Variants in UST observed in about 807,000 individuals in gnomAD.
UST encodes uronyl 2-sulfotransferase, also known as chondroitin sulfate 2-O-sulfotransferase.
Under a neutral mutation model 45.6 loss-of-function variants are expected in UST, and 21 were observed. That is an observed-to-expected ratio of 0.46 (90% CI 0.33 to 0.66). The LOEUF (loss-of-function observed/expected upper bound fraction) is 0.66. Ranked by LOEUF, UST falls within the 30% of genes least tolerant of loss-of-function variation. The pLI is 0.02. For synonymous variants in UST, 215 were observed against 200.6 expected (o/e 1.07, Z -0.61); for missense variants, 463 against 512.4 (o/e 0.90, Z 0.93).
chr6:148,909,754 A>G (rs1180129027), intron 2 of UST, among the ~76,000 whole-genome samples: 1 of 152,210 alleles, frequency 6.6e-6, no homozygotes, highest in Non-Finnish European at 1.5e-5. Context: ...CTTTGCTCGA[A>G]GTATCTATAT....
At chr6:148,887,385 C>T (rs530674301) in intron 2 of UST, among the ~76,000 whole-genome samples, 1 of 152,374 alleles carries the variant, frequency 6.6e-6, no homozygotes, top group South Asian at 2.1e-4. Context: ...TGCCTTCGGG[C>T]TTTGGGGCTA....
At position 148,747,319 on chromosome 6, in the gene UST, C is replaced by A. The variant is rs1462780608; in HGVS notation, c.-112C>A. 3 of 1,273,414 alleles carry A rather than the reference C, an allele frequency of 2.4e-6. No individual in the cohort carries two copies. Among genetic ancestry groups the A allele is most frequent in the Non-Finnish European group, 3.0e-6 (3 of 993,350 alleles). The allele number at this position is 1,273,414 out of a possible 1,614,324, so 78.9% of individuals were successfully genotyped here. On this transcript the variant is annotated 5_prime_UTR_variant, in exon 1 of 8. Coordinates refer to ENST00000367463, the MANE Select transcript of UST (RefSeq NM_005715.3). ...GCCCCTCCCCGCCCCCACCCGGCTG[C>A]CCTCCGCGCGGCCCTCCCCATGTGC...
chr6:148,807,157 A>C (rs1474851304), intron 1 of UST, among the ~76,000 whole-genome samples: 3 of 152,238 alleles, frequency 2.0e-5, no homozygotes, highest in Non-Finnish European at 4.4e-5. Context: ...CAAAGCCTAG[A>C]AAATACCTCT....
intron 7 of UST, among the ~76,000 whole-genome samples, chr6:149,044,593 G>A (rs866038366): frequency 6.6e-6 from 1 of 152,188 alleles, no homozygotes; most frequent in Non-Finnish European, 1.5e-5. Context: ...TCCGTAGGCT[G>A]AACTTAATAT....
intron 1 of UST, among the ~76,000 whole-genome samples, chr6:148,817,942 A>T (rs1777386769): frequency 6.6e-6 from 1 of 152,202 alleles, no homozygotes; most frequent in Non-Finnish European, 1.5e-5. Context: ...CTGCTGTCAC[A>T]CTACAATGAC....
At chr6:148,752,813 C>T (rs1368060941) in intron 1 of UST, among the ~76,000 whole-genome samples, 1 of 152,050 alleles carries the variant, frequency 6.6e-6, no homozygotes, top group Non-Finnish European at 1.5e-5. Flanking sequence ...TGGTGGGTGT[C>T]CATGATGGAC....
intron 1 of UST, among the ~76,000 whole-genome samples, chr6:148,830,645 G>C (rs970042151): frequency 6.6e-6 from 1 of 152,176 alleles, no homozygotes; most frequent in African/African-American, 2.4e-5. Context: ...GGACTGTCAA[G>C]TAAAAACATT....
Position 149,021,312 on chromosome 6 carries a change from A to G in UST, c.780-12A>G. On this transcript the variant is annotated splice_polypyrimidine_tract_variant and intron_variant, in intron 6 of 7. Coordinates refer to ENST00000367463, the MANE Select transcript of UST (RefSeq NM_005715.3). ...AATGTCTGATTTTAAATAAATTTTTATATCCATAAAGGGAGCCTGGTGAAT... is the reference window on the plus strand; with the variant it reads ...AATGTCTGATTTTAAATAAATTTTTGTATCCATAAAGGGAGCCTGGTGAAT... The G allele has an allele frequency of 1.9e-6, 3 of 1,585,330 alleles. No homozygotes were observed. The highest frequency in any genetic ancestry group is 1.8e-5 in the Admixed American group (1 of 55,314).
chr6:148,858,674 C>T (rs1248323720), intron 1 of UST, among the ~76,000 whole-genome samples: 23 of 151,928 alleles, frequency 1.5e-4, no homozygotes, highest in African/African-American at 7.3e-5. Context: ...CAGGCCCGGG[C>T]GTGTGATGTT....
intron 2 of UST, among the ~76,000 whole-genome samples, chr6:148,892,162 A>C (rs1011320859): frequency 6.6e-6 from 1 of 152,242 alleles, no homozygotes; most frequent in Non-Finnish European, 1.5e-5. Context: ...TCATGTCATC[A>C]TCTGAAGAGT....
At chr6:149,063,562 A>G (rs902343322) in intron 7 of UST, among the ~76,000 whole-genome samples, 6 of 152,200 alleles carry the variant, frequency 3.9e-5, no homozygotes, top group Admixed American at 3.9e-4. Context: ...GCCAGATGGG[A>G]GGGTAGACTG....
chr6:148,954,846 T>C (rs1026521745), intron 4 of UST, among the ~76,000 whole-genome samples: 7 of 152,242 alleles, frequency 4.6e-5, no homozygotes, highest in Non-Finnish European at 7.3e-5. Context: ...TTCAGGTTTT[T>C]AGATTCCCTA....
rs745441716 is a variant in UST at position 149,018,613 on chromosome 6, G to A, written c.682-526G>A. 5.9e-5 allele frequency among the ~76,000 whole-genome samples: 9 copies of A among 152,264 alleles called. No homozygotes were observed. The South Asian group carries it at 1.9e-3, about 32-fold the overall frequency. On this transcript the variant is annotated intron_variant, in intron 5 of 7. Transcript: ENST00000367463. ...TGCCTTTGAAAGTGAGAGGGTGTCT[G>A]TATATAAACATCCTGCTACTTTTTA...
chr6:149,029,381 A>C (rs1776101371), intron 7 of UST, among the ~76,000 whole-genome samples: 1 of 146,654 alleles, frequency 6.8e-6, no homozygotes, highest in African/African-American at 2.5e-5. Flanking sequence ...TATAATGTAT[A>C]TATTGTATGT....
intron 7 of UST, among the ~76,000 whole-genome samples, chr6:149,057,065 T>A (rs1306659129): frequency 6.6e-6 from 1 of 152,124 alleles, no homozygotes; most frequent in Non-Finnish European, 1.5e-5. Context: ...GTGACTAATA[T>A]AATCTTAAAA....
At chr6:148,792,601 A>G (rs939787934) in intron 1 of UST, among the ~76,000 whole-genome samples, 1 of 152,210 alleles carries the variant, frequency 6.6e-6, no homozygotes, top group African/African-American at 2.4e-5. Context: ...GCTGGAGCTC[A>G]CGTTTCAGGC....
At chr6:148,926,990 A>G (rs1420517258) in intron 2 of UST, among the ~76,000 whole-genome samples, 1 of 152,208 alleles carries the variant, frequency 6.6e-6, no homozygotes, top group Admixed American at 6.5e-5. Context: ...ATGGGGATGA[A>G]AGAAAGCAAT....
chr6:148,843,076 G>T (rs1777918676), intron 1 of UST, among the ~76,000 whole-genome samples: 1 of 152,206 alleles, frequency 6.6e-6, no homozygotes, highest in African/African-American at 2.4e-5. Flanking sequence ...TTTCAGGAAA[G>T]CAACGTCTAT....
intron 1 of UST, among the ~76,000 whole-genome samples, chr6:148,834,460 C>T (rs775846912): frequency 1.3e-5 from 2 of 152,156 alleles, no homozygotes; most frequent in Non-Finnish European, 2.9e-5. Context: ...TGAGGCTGGG[C>T]ACAGTTGCTC....
Sources: gnomAD v4.1 joint callset for allele counts (sites outside exome capture counted in the v4.1 genomes callset) on GRCh38, gnomAD v4.1.1 for gene constraint, MANE v1.5 for transcripts, NCBI Gene and HGNC (gene_info 2026-07-23, HGNC 2026-07-21) for gene names.